The following SAMD3 variants were observed in gnomAD, a reference collection of about 807,000 sequenced individuals.
SAMD3 encodes sterile alpha motif domain-containing protein 3.
A neutral mutation model predicts 58.5 loss-of-function variants in SAMD3; 63 were observed. That is an observed-to-expected ratio of 1.08 (90% CI 0.88 to 1.33). SAMD3 has a LOEUF of 1.33. SAMD3 is among the 40% of genes most tolerant of loss of function. The pLI is 0.00. For missense variants in SAMD3, 604 were observed against 608.4 expected (o/e 0.99, Z 0.08); for synonymous variants, 220 against 210.3 (o/e 1.05, Z -0.40).
At chr6:130,238,569 A>T (rs979932950) in intron 2 of SAMD3, among the ~76,000 whole-genome samples, 1 of 152,198 alleles carries the variant, frequency 6.6e-6, no homozygotes, top group Non-Finnish European at 1.5e-5. Context: ...GACAAAAAAA[A>T]AAATACTTGG....
chr6:130,184,765 A>C, intron 5 of SAMD3, 142 bp from the exon 6 acceptor site: 1 of 616,730 alleles, frequency 1.6e-6, no homozygotes, highest in Non-Finnish European at 2.8e-6. Flanking sequence ...TCTTCCATCC[A>C]TTCATCCATC....
chr6:130,304,151 A>T (rs940939271), intron 2 of SAMD3, among the ~76,000 whole-genome samples: 1 of 152,140 alleles, frequency 6.6e-6, no homozygotes, highest in Non-Finnish European at 1.5e-5. Flanking sequence ...ACACGGTTAA[A>T]CAATGGTTTT....
At chr6:130,149,846 C>T (rs1293786194) in intron 9 of SAMD3, among the ~76,000 whole-genome samples, 2 of 152,188 alleles carry the variant, frequency 1.3e-5, no homozygotes, top group African/African-American at 2.4e-5. Context: ...ACCTGCACGA[C>T]GTATCCCCTG....
chr6:130,197,729 A>C (rs1794274865), intron 5 of SAMD3, among the ~76,000 whole-genome samples: 2 of 151,988 alleles, frequency 1.3e-5, no homozygotes, highest in South Asian at 4.2e-4. Flanking sequence ...ATCGCCCATT[A>C]TCTCTCCATA....
intron 5 of SAMD3, among the ~76,000 whole-genome samples, chr6:130,198,364 C>T (rs1481218853): frequency 6.6e-6 from 1 of 152,112 alleles, no homozygotes; most frequent in Admixed American, 6.5e-5. Flanking sequence ...ATCACCACAC[C>T]CAGCTAATTT....
At chr6:130,224,997 TC>T (rs1294692194), upstream of SAMD3, among the ~76,000 whole-genome samples, 2 of 151,918 alleles carry the variant, frequency 1.3e-5, no homozygotes, top group East Asian at 3.9e-4. Context: ...TAAATATGAG[TC>T]TGTGTGTCTG....
chr6:130,305,604 G>T (rs1394066969), intron 2 of SAMD3, among the ~76,000 whole-genome samples: 1 of 152,042 alleles, frequency 6.6e-6, no homozygotes, highest in Non-Finnish European at 1.5e-5. Flanking sequence ...AAGAATTTTA[G>T]TCATGAATGG....
At chr6:130,196,054 A>G (rs1177594520) in intron 5 of SAMD3, among the ~76,000 whole-genome samples, 1 of 152,058 alleles carries the variant, frequency 6.6e-6, no homozygotes, top group East Asian at 1.9e-4. Context: ...TTTTCATTAC[A>G]CACAGCTGAA....
intron 1 of SAMD3, among the ~76,000 whole-genome samples, chr6:130,334,829 A>G (rs1777052868): frequency 6.6e-6 from 1 of 152,200 alleles, no homozygotes; most frequent in Non-Finnish European, 1.5e-5. Context: ...TTTATGCTGC[A>G]CCATCCGTGT....
At chr6:130,340,210 C>A (rs575661867) in intron 1 of SAMD3, among the ~76,000 whole-genome samples, 1 of 152,112 alleles carries the variant, frequency 6.6e-6, no homozygotes, top group African/African-American at 2.4e-5. Context: ...ATTCTGGAAC[C>A]AAAAGTCCAC....
intron 5 of SAMD3, among the ~76,000 whole-genome samples, chr6:130,189,408 C>A (rs1046102656): frequency 6.6e-6 from 1 of 152,120 alleles, no homozygotes; most frequent in South Asian, 2.1e-4. Flanking sequence ...AGGCTTACGG[C>A]CTCTAGAACC....
upstream of SAMD3, among the ~76,000 whole-genome samples, chr6:130,226,075 G>A (rs1189798808): frequency 1.3e-5 from 2 of 152,192 alleles, no homozygotes; most frequent in Non-Finnish European, 2.9e-5. Context: ...ATTCAGGACA[G>A]CGCCGCTTTT....
chr6:130,144,867 A>G, intron 11 of SAMD3, 63 bp from the exon 12 acceptor site: 1 of 1,383,624 alleles, frequency 7.2e-7, no homozygotes, highest in South Asian at 1.3e-5. Context: ...AAACATCTGA[A>G]CTTAATCATG....
chr6:130,280,886 A>T (rs1774957338), intron 2 of SAMD3, among the ~76,000 whole-genome samples: 1 of 152,210 alleles, frequency 6.6e-6, no homozygotes, highest in Admixed American at 6.5e-5. Context: ...TCACATTAAA[A>T]ATGTGACACA....
At chr6:130,179,318 A>T (rs1240336954) in intron 7 of SAMD3, among the ~76,000 whole-genome samples, 2 of 152,200 alleles carry the variant, frequency 1.3e-5, no homozygotes, top group Non-Finnish European at 1.5e-5. Flanking sequence ...ACTCAGTAGG[A>T]AATATTTATG....
chr6:130,146,075 T>TC lies in SAMD3; in HGVS notation c.1129dup (p.Asp377GlyfsTer18). 6.2e-7 allele frequency: 1 copy of TC among 1,601,736 alleles called. No homozygotes were observed. On this transcript the variant is annotated frameshift_variant, in exon 10 of 12. Coordinates refer to ENST00000439090, the MANE Select transcript of SAMD3 (RefSeq NM_001017373.4). LOFTEE classifies it high-confidence loss of function. The stretch of plus-strand genomic sequence containing the variant: ...TTGCAATACAATATTGATTGGATTG[T>TC]CCACCACTGAAAAAGAAGTCAGTAT...
At chr6:130,300,928 G>A (rs1192385252) in intron 2 of SAMD3, among the ~76,000 whole-genome samples, 2 of 151,968 alleles carry the variant, frequency 1.3e-5, no homozygotes, top group Non-Finnish European at 1.5e-5. Flanking sequence ...CCATCAACTC[G>A]TCATTTACAT....
chr6:130,231,468 G>A (rs572808745), intron 2 of SAMD3, among the ~76,000 whole-genome samples: 180 of 152,278 alleles, frequency 1.2e-3, no homozygotes, highest in Middle Eastern at 6.8e-3. Flanking sequence ...GGAGGCTGAG[G>A]CAGGAGATCC....
intron 1 of SAMD3, among the ~76,000 whole-genome samples, chr6:130,338,071 G>GT (rs1777155916): frequency 6.6e-6 from 1 of 152,218 alleles, no homozygotes; most frequent in African/African-American, 2.4e-5. Flanking sequence ...GGGAAAAATG[G>GT]TTTCATGGGC....
Sources: allele counts gnomAD v4.1 joint callset (sites outside exome capture counted in the v4.1 genomes callset), GRCh38; gene constraint gnomAD v4.1.1; transcripts MANE v1.5; gene names NCBI Gene and HGNC (gene_info 2026-07-23, HGNC 2026-07-21).